SPOPL: variants seen among roughly 807,000 people sequenced by gnomAD.
The protein encoded by SPOPL is speckle type BTB/POZ protein like.
In SPOPL, 23 loss-of-function variants were observed where a neutral mutation model predicts 53.8. The ratio of observed to expected loss-of-function variants is 0.43; its 90% CI spans 0.31 to 0.61. SPOPL has a LOEUF of 0.61. SPOPL is among the 20% of genes least tolerant of loss of function. The probability of loss-of-function intolerance (pLI) is 0.12; values close to 1 mark genes in which losing one functional copy is unlikely to be tolerated. For missense variants in SPOPL, 442 were observed against 466.9 expected (o/e 0.95, Z 0.49); for synonymous variants, 164 against 149.7 (o/e 1.10, Z -0.70).
intron 5 of SPOPL, among the ~76,000 whole-genome samples, chr2:138,555,239 C>T (rs1002045283): frequency 7.3e-5 from 11 of 151,394 alleles, no homozygotes; most frequent in Non-Finnish European, 1.6e-4. Flanking sequence ...AGGTTAGAGT[C>T]CTCATAACCT....
At chr2:138,532,069 T>TA (rs1338334058) in intron 1 of SPOPL, among the ~76,000 whole-genome samples, 1 of 152,232 alleles carries the variant, frequency 6.6e-6, no homozygotes, top group Non-Finnish European at 1.5e-5. Context: ...TTTAGAGTCT[T>TA]AAATTCTTGG....
At chr2:138,547,479 A>T (rs2104888873) in intron 1 of SPOPL, among the ~76,000 whole-genome samples, 1 of 152,140 alleles carries the variant, frequency 6.6e-6, no homozygotes, top group East Asian at 1.9e-4. Flanking sequence ...AAGCTTAAAG[A>T]TTCAGGTTAA....
chr2:138,536,167 A>G (rs1341038205), intron 1 of SPOPL, among the ~76,000 whole-genome samples: 1 of 152,060 alleles, frequency 6.6e-6, no homozygotes, highest in Admixed American at 6.6e-5. Flanking sequence ...TTTTTTCCCC[A>G]GCATATGGGT....
intron 5 of SPOPL, among the ~76,000 whole-genome samples, chr2:138,558,294 A>C: frequency 6.6e-6 from 1 of 152,344 alleles, no homozygotes; most frequent in Middle Eastern, 3.4e-3. Context: ...GAATCTCCAT[A>C]AAAATAATAC....
intron 1 of SPOPL, among the ~76,000 whole-genome samples, chr2:138,532,352 TG>T (rs1263406229): frequency 6.6e-6 from 1 of 151,984 alleles, no homozygotes; most frequent in African/African-American, 2.4e-5. Context: ...GCTTAGAATC[TG>T]CAAATATTCT....
Position 138,550,913 on chromosome 2 carries a change from G to A in SPOPL, c.211G>A (p.Val71Ile). The A allele has an allele frequency of 4.3e-6, 7 of 1,609,662 alleles. No individual in the cohort carries two copies. The highest frequency in any genetic ancestry group is 5.9e-6 in the Non-Finnish European group (7 of 1,178,380). The part of the protein sequence containing the change: ...PSDKMKWCLR[V>I]NPKGLDDESK... Reference sequence around the variant, plus strand: ...ATTGTTTTATTTTAGGTGCCTGAGGGTAAACCCAAAGGGATTAGATGATGA... The same window carrying A: ...ATTGTTTTATTTTAGGTGCCTGAGGATAAACCCAAAGGGATTAGATGATGA... The change falls in exon 4 of 11, where the codon GTA becomes ATA. Residue 71 changes from valine to isoleucine, a missense_variant. Coordinates refer to ENST00000280098, the MANE Select transcript of SPOPL (RefSeq NM_001001664.3).
chr2:138,567,139 A>G (rs747091295), intron 10 of SPOPL, among the ~76,000 whole-genome samples: 15 of 152,336 alleles, frequency 9.8e-5, no homozygotes, highest in Non-Finnish European at 1.9e-4. Flanking sequence ...TTTATGGTCT[A>G]GCAGCAGATT....
chr2:138,502,592 G>C (rs1684129474), intron 1 of SPOPL, among the ~76,000 whole-genome samples: 1 of 152,126 alleles, frequency 6.6e-6, no homozygotes, highest in Non-Finnish European at 1.5e-5. Flanking sequence ...GTCCCTGTTA[G>C]CCCATTTTAG....
chr2:138,561,059 C>A, intron 8 of SPOPL, 132 bp downstream of exon 8: 1 of 1,085,276 alleles, frequency 9.2e-7, no homozygotes, highest in Non-Finnish European at 1.3e-6. Flanking sequence ...AAATAGCATA[C>A]AGTGGGGTAA....
chr2:138,543,854 A>G (rs1408462441), intron 1 of SPOPL, among the ~76,000 whole-genome samples: 4 of 151,916 alleles, frequency 2.6e-5, no homozygotes, highest in African/African-American at 7.2e-5. Flanking sequence ...TTTTTTCCCC[A>G]TCTTTGTGGT....
At chr2:138,558,899 T>G in intron 5 of SPOPL, 123 bp from the exon 6 acceptor site, 1 of 660,528 alleles carries the variant, frequency 1.5e-6, no homozygotes, top group Non-Finnish European at 2.2e-6. Flanking sequence ...TATTAGAAAT[T>G]TTGATTAGGA....
chr2:138,545,718 C>T (rs769444780), intron 1 of SPOPL, among the ~76,000 whole-genome samples: 6 of 152,048 alleles, frequency 3.9e-5, no homozygotes, highest in African/African-American at 1.2e-4. Context: ...GGATTACAGG[C>T]GTGAGCCACC....
intron 1 of SPOPL, among the ~76,000 whole-genome samples, chr2:138,532,423 T>G (rs1401514943): frequency 1.1e-5 from 1 of 91,032 alleles, no homozygotes; most frequent in Non-Finnish European, 2.1e-5. Context: ...TTGTTCGCTT[T>G]TTTTTTTTTT....
chr2:138,512,759 T>G (rs1684353670), intron 1 of SPOPL, among the ~76,000 whole-genome samples: 1 of 152,238 alleles, frequency 6.6e-6, no homozygotes, highest in Non-Finnish European at 1.5e-5. Flanking sequence ...TATTTTGGAC[T>G]CACATTATTC....
chr2:138,513,320 G>A (rs545457970), intron 1 of SPOPL, among the ~76,000 whole-genome samples: 7 of 152,310 alleles, frequency 4.6e-5, no homozygotes, highest in South Asian at 2.1e-4. Context: ...TTGGGAGGCC[G>A]AGGCCGGTGG....
At chr2:138,550,067 A>G in intron 1 of SPOPL, 90 bp from the exon 2 acceptor site, 1 of 587,138 alleles carries the variant, frequency 1.7e-6, no homozygotes, top group Non-Finnish European at 3.0e-6. Context: ...TTGGGATAGT[A>G]ATTGTTTCAT....
At chr2:138,526,166 G>C (rs549590124) in intron 1 of SPOPL, among the ~76,000 whole-genome samples, 1 of 152,110 alleles carries the variant, frequency 6.6e-6, no homozygotes, top group African/African-American at 2.4e-5. Flanking sequence ...TTTAAATCTA[G>C]AAATAGATGA....
At chr2:138,516,993 G>T (rs1371336349) in intron 1 of SPOPL, among the ~76,000 whole-genome samples, 1 of 152,176 alleles carries the variant, frequency 6.6e-6, no homozygotes, top group Admixed American at 6.5e-5. Context: ...ATGTGAAGTT[G>T]TGCCAGTGTC....
chr2:138,533,439 T>C lies in SPOPL; in HGVS notation c.-60-16718T>C, dbSNP rs188652025. 5.3e-4 allele frequency among the ~76,000 whole-genome samples: 81 copies of C among 152,298 alleles called. 1 individual carries two copies. Among genetic ancestry groups the C allele is most frequent in the African/African-American group, 1.8e-3 (76 of 41,578 alleles). On this transcript the variant is annotated intron_variant, in intron 1 of 10. Coordinates refer to ENST00000280098, the MANE Select transcript of SPOPL (RefSeq NM_001001664.3). ...CGTGTCTGTATCCTCTACTATGTTATAGTTTTTGCCAAGAGTAGGGAATGT... is the reference window on the plus strand; with the variant it reads ...CGTGTCTGTATCCTCTACTATGTTACAGTTTTTGCCAAGAGTAGGGAATGT...
Sources: gnomAD v4.1 joint callset for allele counts (sites outside exome capture counted in the v4.1 genomes callset) on GRCh38, gnomAD v4.1.1 for gene constraint, MANE v1.5 for transcripts, NCBI Gene and HGNC (gene_info 2026-07-23, HGNC 2026-07-21) for gene names.